PLEC: variants seen among roughly 807,000 people sequenced by gnomAD.
The protein encoded by PLEC is hemidesmosomal protein 1.
PLEC carries 216 observed loss-of-function variants against 392.8 expected under a neutral mutation model. That is an observed-to-expected ratio of 0.55 (90% CI 0.49 to 0.62). The LOEUF (loss-of-function observed/expected upper bound fraction) is 0.62. Ranked by LOEUF, PLEC falls within the 20% of genes least tolerant of loss-of-function variation. The probability of loss-of-function intolerance (pLI) is 0.00; values close to 1 mark genes in which losing one functional copy is unlikely to be tolerated. For missense variants in PLEC, 6,863 were observed against 6,563.4 expected, an observed-to-expected ratio of 1.05 and a Z score of -1.58; for synonymous variants, 3,621 against 2,980.6, an observed-to-expected ratio of 1.21 and a Z score of -7.00.
chr8:143,930,500 G>C lies in PLEC; in HGVS notation c.2341C>G (p.Leu781Val), dbSNP rs782086242. 1.3e-6 allele frequency: 2 copies of C among 1,596,884 alleles called. No homozygotes were observed. Among genetic ancestry groups the C allele is most frequent in the African/African-American group, 2.7e-5 (2 of 74,528 alleles). ...KEQLNEYKGHLSGLAKRAKAV... is the reference protein window; with the variant it reads ...KEQLNEYKGHVSGLAKRAKAV... ...TTGGCCCGCTTGGCCAGGCCTGAGA[G>C]GTGGCCCTTGTACTCGTTCAGCTGT... The change falls in exon 20 of 32, where the codon CTC becomes GTC. Residue 781 changes from leucine to valine, a missense_variant. Leu to Val is a conservative substitution (Grantham distance 32). Transcript: ENST00000345136.
chr8:143,926,413 G>A (rs1347521407), intron 30 of PLEC, among the ~76,000 whole-genome samples: 1 of 152,206 alleles, frequency 6.6e-6, no homozygotes. Context: ...TGCCTTGGAA[G>A]ACCCTCCCTA....
At chr8:143,936,383 G>A (rs529727632) in intron 5 of PLEC, among the ~76,000 whole-genome samples, 60 of 152,344 alleles carry the variant, frequency 3.9e-4, no homozygotes, top group African/African-American at 1.4e-3. Context: ...GGGCATAAGA[G>A]GAACCCACAA....
Position 143,924,876 on chromosome 8 carries a change from G to A in PLEC, c.5053C>T (p.Arg1685Trp), listed in dbSNP as rs781802082. 4.7e-5 allele frequency: 74 copies of A among 1,588,580 alleles called. No individual in the cohort carries two copies. The highest frequency in any genetic ancestry group is 1.7e-4 in the Middle Eastern group (1 of 6,000). ...TCTTGTTCAGCCAGCTCCCGCTGCC[G>A]GACGGCCTGCTCCTCCGCCTTGCCG... ...RRGKAEEQAV[R>W]QRELAEQELE... is the part of the protein sequence containing the mutation. The change falls in exon 31 of 32, where the codon CGG becomes TGG. Residue 1685 changes from arginine to tryptophan, a missense_variant. Coordinates refer to ENST00000345136, the MANE Select transcript of PLEC (RefSeq NM_201384.3).
rs781856653 is a variant in PLEC, at chr8:143,921,549, C to T, written c.8272G>A (p.Val2758Met). 6.2e-7 allele frequency: 1 copy of T among 1,612,638 alleles called. No homozygotes were observed. The highest frequency in any genetic ancestry group is 1.7e-5 in the Admixed American group (1 of 60,006). ...TTGTGGTGCAGCTCGGGGCCCACCA[C>T]ACCCTCCTTCACAGCCTCGTTGACG... Reference protein sequence around the residue: ...LTVNEAVKEGVVGPELHHKLL... With the variant: ...LTVNEAVKEGMVGPELHHKLL... Residue 2758 changes from valine to methionine, a missense_variant, in exon 32 of 32, where the codon GTG (valine) becomes ATG (methionine). Transcript: ENST00000345136.
Position 143,969,627 on chromosome 8 carries a change from T to C in PLEC, c.70+3776A>G, listed in dbSNP as rs905936609. Among the ~76,000 whole-genome samples the C allele has an allele frequency of 1.3e-4, 20 of 151,298 alleles. No homozygotes were observed. Among genetic ancestry groups the C allele is most frequent in the Admixed American group, 1.1e-3 (16 of 15,174 alleles). On this transcript the variant is annotated intron_variant, in intron 1 of 31. Coordinates refer to the PLEC transcript ENST00000356346. The surrounding 1 kb of genome is among the most constrained non-coding windows in gnomAD (Gnocchi z 5.1). ...ATGCAGGTGAGTGGAGGTGAGGCGG[T>C]CAGTGAAGAAAGAAAGAGCGGCCCA...
In PLEC at chr8:143,919,931, G is replaced by A. The variant is rs1554679937; in HGVS notation, c.9890C>T (p.Thr3297Ile). The A allele has an allele frequency of 1.2e-6, 2 of 1,613,362 alleles. No homozygotes were observed. Among genetic ancestry groups the A allele is most frequent in the East Asian group, 2.2e-5 (1 of 44,886 alleles). The change falls in exon 32 of 32, where the codon ACC (threonine) becomes ATC (isoleucine). Residue 3297 changes from threonine to isoleucine, a missense_variant. Physicochemically the swap from Thr to Ile is moderately conservative, Grantham distance 89 (BLOSUM62 -1). Transcript: ENST00000345136. ...GAAGGACAGCCTCTCCTGCCGCAGG[G>A]TCTCCACCTCCTCCACGATGGTAAT... Reference protein sequence around the residue: ...ILITIVEEVETLRQERLSFSG... With the variant: ...ILITIVEEVEILRQERLSFSG...
chr8:143,922,687 A>G lies in PLEC; in HGVS notation c.7242T>C (p.Gly2414=), dbSNP rs377538873. 1.1e-5 allele frequency: 17 copies of G among 1,612,666 alleles called. No individual in the cohort carries two copies. Among genetic ancestry groups the G allele is most frequent in the Non-Finnish European group, 1.4e-5 (17 of 1,179,824 alleles). Residue 2414 remains glycine, a synonymous_variant, in exon 31 of 32, where the codon GGT becomes GGC. Coordinates refer to ENST00000345136, the MANE Select transcript of PLEC (RefSeq NM_201384.3). ...QRFRKQAEEI[G]EKLHRTELAT... Reference sequence around the variant, plus strand: ...CGAGCTCCGTGCGGTGCAGCTTCTCACCGATCTCCTCCGCCTGCTTCCGGA... The same window carrying G: ...CGAGCTCCGTGCGGTGCAGCTTCTCGCCGATCTCCTCCGCCTGCTTCCGGA...
At chr8:143,950,708 G>A (rs2132720982) in exon 1 of PLEC, 2 of 1,559,042 alleles carry the variant, frequency 1.3e-6, no homozygotes, top group Middle Eastern at 1.7e-4. Context: ...GGCCACCATG[G>A]CTGCTGGAGC....
At chr8:143,926,005 A>C (rs930770169) in intron 30 of PLEC, 121 bp from the exon 31 acceptor site, 19 of 1,149,258 alleles carry the variant, frequency 1.7e-5, no homozygotes, top group Non-Finnish European at 2.4e-5. Flanking sequence ...GGGAAGACAG[A>C]GGCCCCAGCC....
At chr8:143,944,036 CG>C (rs1192378236), upstream of PLEC, 17 of 1,268,416 alleles carry the variant, frequency 1.3e-5, no homozygotes, top group African/African-American at 1.9e-4. Flanking sequence ...GCCCCATACG[CG>C]GCGGCAGCCC....
At position 143,917,410 on chromosome 8, in the gene PLEC, G is replaced by A. The variant is rs1554671998; in HGVS notation, c.12411C>T (p.Arg4137=). The A allele has an allele frequency of 1.1e-5, 18 of 1,612,822 alleles. No individual in the cohort carries two copies. In the South Asian group the frequency reaches 1.3e-4, roughly 12 times the overall value. Residue 4137 remains arginine (R), a synonymous_variant, in exon 32 of 32, where the codon CGC becomes CGT. Coordinates refer to ENST00000345136, the MANE Select transcript of PLEC (RefSeq NM_201384.3). Reference sequence around the variant, plus strand: ...GGTCCACGATGACCACTCGGCGCTTGCGCACGGAGGACTTGGAGGACGTCT... The same window carrying A: ...GGTCCACGATGACCACTCGGCGCTTACGCACGGAGGACTTGGAGGACGTCT... ...ERKTSSKSSV[R]KRRVVIVDPE...
rs1267513023 is a variant in PLEC at position 143,922,873 on chromosome 8, C to A, written c.7056G>T (p.Gln2352His). 3.2e-6 allele frequency: 5 copies of A among 1,582,474 alleles called. No individual in the cohort carries two copies. The highest frequency in any genetic ancestry group is 4.3e-6 in the Non-Finnish European group (5 of 1,165,326). ...TCTCCTCCGCCAGCTGCTGCGCCAT[C>A]TGCTCCTTGTCCTCCTGCAGCCGCC... ...QARRLQEDKE[Q>H]MAQQLAEETQ... Residue 2352 changes from glutamine (Q) to histidine (H), a missense_variant, in exon 31 of 32, where the codon CAG (glutamine) becomes CAT (histidine). Coordinates refer to ENST00000345136, the MANE Select transcript of PLEC (RefSeq NM_201384.3).
upstream of PLEC, chr8:143,944,071 TCTC>T (rs1279574641): frequency 2.4e-6 from 2 of 821,030 alleles, no homozygotes; most frequent in Admixed American, 2.8e-5. Context: ...GCCCGCCTCC[TCTC>T]CTCCTCCCTC....
intron 1 of PLEC, chr8:143,944,715 G>T: frequency 1.6e-6 from 2 of 1,289,522 alleles, no homozygotes; most frequent in Non-Finnish European, 2.0e-6. Context: ...CAGGGGTGTG[G>T]GAGGTCACAG....
At chr8:143,971,567 T>G (rs1833433099) in intron 1 of PLEC, among the ~76,000 whole-genome samples, 1 of 152,154 alleles carries the variant, frequency 6.6e-6, no homozygotes, top group Non-Finnish European at 1.5e-5. Context: ...TCTGACCTCC[T>G]GCAGGCCCTC....
At chr8:143,952,586 G>A (rs1023504750), upstream of PLEC, among the ~76,000 whole-genome samples, 2 of 151,298 alleles carry the variant, frequency 1.3e-5, no homozygotes, top group African/African-American at 4.9e-5. Context: ...CTGCACTCCC[G>A]GCAGGCCGAC....
chr8:143,942,921 A>C (rs565494613), upstream of PLEC, among the ~76,000 whole-genome samples: 2 of 152,158 alleles, frequency 1.3e-5, no homozygotes, highest in Non-Finnish European at 2.9e-5. Flanking sequence ...ACCAGGGAGT[A>C]GAGGCATCCT....
In PLEC at chr8:143,931,674, G is replaced by A. The variant is rs1554715642; in HGVS notation, c.2179-15C>T. ...TCTGAGAAGAACTGGGGCAGCGGGA[G>A]GGGGTCACGCCAGGCTACCTGGGAC... On this transcript the variant is annotated splice_polypyrimidine_tract_variant and intron_variant, in intron 18 of 31. Coordinates refer to ENST00000345136, the MANE Select transcript of PLEC (RefSeq NM_201384.3). 1 of 1,594,456 alleles carries A rather than the reference G, an allele frequency of 6.3e-7. No homozygotes were observed.
rs1376681035 is a variant in PLEC, at chr8:143,969,617, G to T, written c.70+3786C>A. ...AGTTGTGGCAATGCAGGTGAGTGGA[G>T]GTGAGGCGGTCAGTGAAGAAAGAAA... On this transcript the variant is annotated intron_variant, in intron 1 of 31. Coordinates refer to the PLEC transcript ENST00000356346. This position sits in a 1 kb window ranked among gnomAD's most constrained non-coding sequence, Gnocchi z 5.1. Among the ~76,000 whole-genome samples, 1 of 152,164 alleles carries T rather than the reference G, an allele frequency of 6.6e-6. No homozygotes were observed. The highest frequency in any genetic ancestry group is 2.4e-5 in the African/African-American group (1 of 41,440).
Sources: gnomAD v4.1 joint callset for allele counts (sites outside exome capture counted in the v4.1 genomes callset) on GRCh38, gnomAD v4.1.1 for gene constraint, Gnocchi (gnomAD v3.1) non-coding constraint, MANE v1.5 for transcripts, NCBI Gene and HGNC (gene_info 2026-07-23, HGNC 2026-07-21) for gene names.